TMEM117: variants seen among roughly 807,000 people sequenced by gnomAD.
TMEM117 encodes the protein transmembrane protein 117.
A neutral mutation model predicts 52.4 loss-of-function variants in TMEM117; 27 were observed. The ratio of observed to expected loss-of-function variants is 0.51; its 90% CI spans 0.38 to 0.71. TMEM117 has a LOEUF of 0.71. TMEM117 is among the 30% of genes least tolerant of loss of function. TMEM117 has a pLI of 0.00. For missense variants in TMEM117, 556 were observed against 630.5 expected (o/e 0.88, Z 1.26); for synonymous variants, 215 against 206.3 (o/e 1.04, Z -0.36).
intron 2 of TMEM117, among the ~76,000 whole-genome samples, chr12:43,914,154 G>A (rs1944561249): frequency 6.6e-6 from 1 of 152,108 alleles, no homozygotes; most frequent in Admixed American, 6.6e-5. Flanking sequence ...ACCAATGCAT[G>A]GGAGAGTCGG....
At chr12:43,854,609 A>G (rs182351945) in intron 2 of TMEM117, among the ~76,000 whole-genome samples, 291 of 152,188 alleles carry the variant, frequency 1.9e-3, no homozygotes, top group Non-Finnish European at 3.3e-3. Context: ...GTCCAGGCAC[A>G]CTTTTTAAAA....
At chr12:43,807,729 A>C in the TMEM117 span, among the ~76,000 whole-genome samples, 1 of 152,130 alleles carries the variant, frequency 6.6e-6, no homozygotes, top group Admixed American at 6.5e-5. Flanking sequence ...AGGAATGTCT[A>C]GTTAGGTTGG....
In TMEM117 at chr12:43,948,223, G is replaced by A. The variant is rs188183560; in HGVS notation, c.410+3881G>A. On this transcript the variant is annotated intron_variant, in intron 3 of 7. Transcript: ENST00000266534. ...AGACAATCCATATTTGTAGCACCAC[G>A]AGGAAAAACCTTGTCTCAAATTTGA... is the stretch of plus-strand genomic sequence containing the variant. 5.9e-5 allele frequency among the ~76,000 whole-genome samples: 9 copies of A among 152,188 alleles called. No homozygotes were observed. The East Asian group carries it at 1.2e-3, about 20-fold the overall frequency.
intron 4 of TMEM117, among the ~76,000 whole-genome samples, chr12:44,170,217 T>C (rs1045017672): frequency 2.1e-5 from 3 of 145,374 alleles, no homozygotes; most frequent in African/African-American, 7.7e-5. Context: ...CACCACATGT[T>C]CTCACTCATA....
At chr12:44,282,856 G>T (rs150921070) in intron 5 of TMEM117, among the ~76,000 whole-genome samples, 1 of 152,178 alleles carries the variant, frequency 6.6e-6, no homozygotes, top group African/African-American at 2.4e-5. Context: ...TCACAGGTCC[G>T]GAAGCCCAGG....
At chr12:44,356,325 C>A (rs558696297) in intron 6 of TMEM117, among the ~76,000 whole-genome samples, 4 of 152,192 alleles carry the variant, frequency 2.6e-5, no homozygotes, top group East Asian at 1.9e-4. Flanking sequence ...CCGTTAAGCT[C>A]TTTTCATCCA....
At chr12:44,281,546 A>T (rs923604548) in intron 5 of TMEM117, among the ~76,000 whole-genome samples, 14 of 152,066 alleles carry the variant, frequency 9.2e-5, no homozygotes, top group Non-Finnish European at 2.1e-4. Flanking sequence ...CCAGTATATA[A>T]ATTCATCCTA....
intron 5 of TMEM117, among the ~76,000 whole-genome samples, chr12:44,266,509 T>C (rs888801172): frequency 6.6e-6 from 1 of 152,174 alleles, no homozygotes; most frequent in African/African-American, 2.4e-5. Context: ...TTTTTATATA[T>C]TCTGCATATA....
the TMEM117 span, among the ~76,000 whole-genome samples, chr12:43,810,719 C>T: frequency 1.3e-5 from 2 of 152,172 alleles, no homozygotes; most frequent in Non-Finnish European, 2.9e-5. Flanking sequence ...CCTTCACTTC[C>T]AGCCTAAACT....
chr12:43,942,330 G>C (rs559495432), intron 2 of TMEM117, among the ~76,000 whole-genome samples: 2 of 152,116 alleles, frequency 1.3e-5, no homozygotes, highest in Non-Finnish European at 2.9e-5. Flanking sequence ...TGTAGCATGT[G>C]GTTTTACTCT....
At chr12:44,250,502 G>A (rs1950183972) in intron 5 of TMEM117, among the ~76,000 whole-genome samples, 1 of 152,122 alleles carries the variant, frequency 6.6e-6, no homozygotes, top group Non-Finnish European at 1.5e-5. Flanking sequence ...ATACCCAGAG[G>A]AATATAAATC....
chr12:43,994,211 C>T (rs1386691587), intron 3 of TMEM117, among the ~76,000 whole-genome samples: 7 of 152,106 alleles, frequency 4.6e-5, no homozygotes, highest in Admixed American at 3.9e-4. Context: ...TAAAAGTTTC[C>T]ATGCTCTTTC....
In TMEM117 at chr12:44,376,673, A is replaced by T. The variant is rs779569333; in HGVS notation, c.847A>T (p.Ile283Phe). The T allele has an allele frequency of 1.9e-6, 3 of 1,611,894 alleles. No individual in the cohort carries two copies. In the South Asian group the frequency reaches 3.3e-5, roughly 18 times the overall value. The change falls in exon 7 of 8, where the codon ATT becomes TTT. Residue 283 changes from isoleucine (I) to phenylalanine (F), a missense_variant. Ile to Phe is a conservative substitution (Grantham distance 21). This residue lies in a region of TMEM117 where 328 missense variants were observed against 371.4 expected (regional missense o/e 0.88). Coordinates refer to ENST00000266534, the MANE Select transcript of TMEM117 (RefSeq NM_032256.3). ...GLHTPHMQFK[I>F]PFFQKIFKEE... is the part of the protein sequence containing the mutation. ...GCACACCCCTCACATGCAGTTCAAG[A>T]TTCCTTTCTTCCAGAAAATCTTCAA...
At chr12:43,876,410 G>A (rs989668383) in intron 2 of TMEM117, among the ~76,000 whole-genome samples, 11 of 152,154 alleles carry the variant, frequency 7.2e-5, no homozygotes, top group Non-Finnish European at 1.5e-4. Flanking sequence ...AGCTTAGGTT[G>A]ATCTTCAAGA....
intron 2 of TMEM117, among the ~76,000 whole-genome samples, chr12:43,902,473 G>A: frequency 6.6e-6 from 1 of 152,190 alleles, no homozygotes; most frequent in Admixed American, 6.5e-5. Context: ...AGGTTGACTT[G>A]ATATCTAGTG....
At chr12:44,379,213 T>C (rs1169071745) in intron 7 of TMEM117, among the ~76,000 whole-genome samples, 1 of 149,242 alleles carries the variant, frequency 6.7e-6, no homozygotes, top group Non-Finnish European at 1.5e-5. Flanking sequence ...GAAGGAAGTT[T>C]GGCATGATGG....
intron 4 of TMEM117, among the ~76,000 whole-genome samples, chr12:44,153,017 A>G (rs1271387831): frequency 6.6e-6 from 1 of 151,484 alleles, no homozygotes; most frequent in African/African-American, 2.4e-5. Flanking sequence ...AAGGTAAAAG[A>G]AATGTTCAGG....
At chr12:43,808,762 A>T in the TMEM117 span, among the ~76,000 whole-genome samples, 2 of 146,052 alleles carry the variant, frequency 1.4e-5, no homozygotes, top group Admixed American at 1.4e-4. Context: ...ATGAGCCATG[A>T]TCACCCCACT....
At chr12:44,386,967 G>A (rs1479093695) in intron 7 of TMEM117, among the ~76,000 whole-genome samples, 1 of 151,792 alleles carries the variant, frequency 6.6e-6, no homozygotes, top group Non-Finnish European at 1.5e-5. Context: ...GTTAAATAAT[G>A]TTACTTCAAA....
Sources: gnomAD v4.1 joint callset for allele counts (sites outside exome capture counted in the v4.1 genomes callset) on GRCh38, gnomAD v4.1.1 for gene constraint, gnomAD v4.1.1 regional missense constraint, MANE v1.5 for transcripts, NCBI Gene and HGNC (gene_info 2026-07-23, HGNC 2026-07-21) for gene names.